The following AGXT2 variants were observed in gnomAD, a reference collection of about 807,000 sequenced individuals.
AGXT2 encodes alanine--glyoxylate aminotransferase 2, mitochondrial.
A neutral mutation model predicts 62.5 loss-of-function variants in AGXT2; 61 were observed. The observed-to-expected ratio is 0.98, with a 90% confidence interval of 0.79 to 1.21. The LOEUF is 1.21. Ranked by LOEUF, AGXT2 falls within the 50% of genes most tolerant of loss-of-function variation. The probability of loss-of-function intolerance (pLI) is 0.00; values close to 1 mark genes in which losing one functional copy is unlikely to be tolerated. For missense variants in AGXT2, 666 were observed against 641.5 expected (o/e 1.04, Z -0.41); for synonymous variants, 243 against 218.7 (o/e 1.11, Z -0.98).
At chr5:35,030,526 A>G (rs1414371882) in intron 7 of AGXT2, among the ~76,000 whole-genome samples, 1 of 152,160 alleles carries the variant, frequency 6.6e-6, no homozygotes, top group Non-Finnish European at 1.5e-5. Flanking sequence ...AAAATACATA[A>G]ATAAAAAAGA....
At chr5:35,028,568 A>T (rs1272775754) in intron 7 of AGXT2, among the ~76,000 whole-genome samples, 1 of 22,044 alleles carries the variant, frequency 4.5e-5, no homozygotes, top group African/African-American at 2.8e-4. Context: ...TGAGAGAGAG[A>T]GAGAGAGAGA....
At chr5:35,035,538 T>C (rs1388433938) in intron 4 of AGXT2, among the ~76,000 whole-genome samples, 2 of 152,150 alleles carry the variant, frequency 1.3e-5, no homozygotes, top group African/African-American at 4.8e-5. Context: ...GGCTAAGAGA[T>C]TGTCTCAGCT....
At chr5:35,020,395 C>A (rs1767023069) in intron 9 of AGXT2, among the ~76,000 whole-genome samples, 1 of 152,144 alleles carries the variant, frequency 6.6e-6, no homozygotes, top group Admixed American at 6.5e-5. Context: ...GGGCTTCATC[C>A]CTGGGATGCA....
rs532702481 is a variant in AGXT2, at chr5:35,007,473, G to A, written c.1338+2527C>T. Among the ~76,000 whole-genome samples, 24 of 152,322 alleles carry A rather than the reference G, an allele frequency of 1.6e-4. 1 individual carries two copies. In the South Asian group the frequency reaches 2.7e-3, roughly 17 times the overall value. ...GCAAAGGCAAGCTTTAAGGAGATGC[G>A]ATGGAGAGCTTGATCTTGAAAAAGA... On this transcript the variant is annotated intron_variant, in intron 12 of 13. Transcript: ENST00000231420.
In AGXT2 at chr5:35,035,316, C is replaced by G; in HGVS notation, c.487G>C (p.Val163Leu). The change falls in exon 5 of 14, where the codon GTC becomes CTC. Residue 163 changes from valine to leucine, a missense_variant and splice_region_variant. Coordinates refer to ENST00000231420, the MANE Select transcript of AGXT2 (RefSeq NM_031900.4). The part of the protein sequence containing the change: ...LAALLPEPLK[V>L]IFLVNSGSEA... ...GAGCCACTGTTCACCAAGAAAATGA[C>G]CTGGAGAGGAAAGGAAGACACGTGG... 6.2e-7 allele frequency: 1 copy of G among 1,613,492 alleles called. No homozygotes were observed. Among genetic ancestry groups the G allele is most frequent in the Non-Finnish European group, 8.5e-7 (1 of 1,179,656 alleles).
rs1380836636 is a variant in AGXT2, at chr5:35,039,342, C to A, written c.344G>T (p.Ser115Ile). 1 of 1,614,088 alleles carries A rather than the reference C, an allele frequency of 6.2e-7. No individual in the cohort carries two copies. The highest frequency in any genetic ancestry group is 8.5e-7 in the Non-Finnish European group (1 of 1,179,936). ...LDFFSGIVTV[S>I]VGHCHPKVNA... ...TACTCACGGGTGGCAATGGCCAACA[C>A]TGACAGTAACAATCCCGGAAAAGAA... The change falls in exon 3 of 14, where the codon AGT becomes ATT. Residue 115 changes from serine to isoleucine, a missense_variant. Transcript: ENST00000231420.
chr5:35,010,013 A>G lies in AGXT2; in HGVS notation c.1325T>C (p.Met442Thr), dbSNP rs1368509384. 1.2e-6 allele frequency: 2 copies of G among 1,614,084 alleles called. No individual in the cohort carries two copies. The highest frequency in any genetic ancestry group is 1.6e-4 in the Middle Eastern group (1 of 6,084). Reference sequence around the variant, plus strand: ...ATTAGCACCTACCTTATCCTGCACCATTTCTATGCCTATCATGAGACCTTT... The same window carrying G: ...ATTAGCACCTACCTTATCCTGCACCGTTTCTATGCCTATCATGAGACCTTT... ...RGKGLMIGIE[M>T]VQDKISCRPL... The change falls in exon 12 of 14, where the codon ATG becomes ACG. Residue 442 changes from methionine to threonine, a missense_variant. Transcript: ENST00000231420.
chr5:35,040,316 A>G (rs150849570), intron 2 of AGXT2, among the ~76,000 whole-genome samples: 3 of 152,302 alleles, frequency 2.0e-5, no homozygotes, highest in East Asian at 3.9e-4. Context: ...TATATTAATT[A>G]TCATGTGTAG....
At chr5:35,037,256 ATG>A in intron 3 of AGXT2, among the ~76,000 whole-genome samples, 191 bp from the exon 4 acceptor site, 2 of 152,326 alleles carry the variant, frequency 1.3e-5, no homozygotes, top group South Asian at 4.1e-4. Flanking sequence ...TTAAAAGGTA[ATG>A]AATTCCTCTC....
chr5:34,999,245 T>A (rs1474895027), intron 13 of AGXT2, among the ~76,000 whole-genome samples: 1 of 152,240 alleles, frequency 6.6e-6, no homozygotes, highest in Admixed American at 6.5e-5. Context: ...GCCAATGCCA[T>A]GAGCCTCCTC....
At chr5:35,031,965 T>C (rs1354148716) in intron 7 of AGXT2, among the ~76,000 whole-genome samples, 14 of 148,578 alleles carry the variant, frequency 9.4e-5, no homozygotes, top group Admixed American at 4.0e-4. Flanking sequence ...TTTTTTTTTT[T>C]TTTTTGAGAT....
intron 13 of AGXT2, 134 bp downstream of exon 13, chr5:35,003,629 A>C: frequency 2.4e-6 from 2 of 824,708 alleles, no homozygotes; most frequent in Non-Finnish European, 4.1e-6. Flanking sequence ...GTGGCTGGGT[A>C]CCTCGGCACA....
Position 35,035,872 on chromosome 5 carries a change from T to C in AGXT2, c.487-556A>G, listed in dbSNP as rs193099867. Among the ~76,000 whole-genome samples the C allele has an allele frequency of 2.3e-3, 353 of 151,028 alleles. 3 individuals carry two copies. Among genetic ancestry groups the C allele is most frequent in the African/African-American group, 8.3e-3 (342 of 41,142 alleles). ...CGGGCGGATCACTTGAGGTCAGGAG[T>C]TTGAGATCAGCCTGGCCATCATGGT... is the stretch of plus-strand genomic sequence containing the variant. On this transcript the variant is annotated intron_variant, in intron 4 of 13. Coordinates refer to ENST00000231420, the MANE Select transcript of AGXT2 (RefSeq NM_031900.4).
At chr5:35,005,908 G>C (rs1220076091) in intron 12 of AGXT2, among the ~76,000 whole-genome samples, 1 of 152,096 alleles carries the variant, frequency 6.6e-6, no homozygotes, top group Non-Finnish European at 1.5e-5. Flanking sequence ...AGTGCATAAA[G>C]TAAAACGAGA....
At position 35,032,740 on chromosome 5, in the gene AGXT2, C is replaced by T. The variant is rs1379606482; in HGVS notation, c.761G>A (p.Cys254Tyr). The change falls in exon 7 of 14, where the codon TGT (cysteine) becomes TAT (tyrosine). Residue 254 changes from cysteine to tyrosine, a missense_variant. Transcript: ENST00000231420. ...SPVQTIRKCS[C>Y]APDCCQAKDQ... ...CCCTTGCCCAGTCGGACCTGGTGCA[C>T]AGCTGCACTTCCTGATTGTTTGCAC... 9 of 1,606,944 alleles carry T rather than the reference C, an allele frequency of 5.6e-6. No individual in the cohort carries two copies. The highest frequency in any genetic ancestry group is 7.7e-6 in the Non-Finnish European group (9 of 1,176,368).
intron 8 of AGXT2, 38 bp downstream of exon 8, chr5:35,026,372 G>A: frequency 6.6e-7 from 1 of 1,518,510 alleles, no homozygotes; most frequent in Non-Finnish European, 9.1e-7. Flanking sequence ...GATAATTGAA[G>A]ATTCAGCTCC....
intron 9 of AGXT2, among the ~76,000 whole-genome samples, chr5:35,019,235 C>G (rs1766970988): frequency 7.1e-6 from 1 of 140,462 alleles, no homozygotes; most frequent in Admixed American, 7.3e-5. Flanking sequence ...TAATAGACAT[C>G]TACAGAACTC....
chr5:35,004,273 G>A (rs1299246777), intron 12 of AGXT2, among the ~76,000 whole-genome samples: 1 of 152,202 alleles, frequency 6.6e-6, no homozygotes, highest in Non-Finnish European at 1.5e-5. Flanking sequence ...CAAAGGCCAG[G>A]AAATGGCTCA....
rs559898698 is a variant in AGXT2 at position 35,041,848 on chromosome 5, T to G, written c.89-1185A>C. 5.4e-4 allele frequency among the ~76,000 whole-genome samples: 83 copies of G among 152,302 alleles called. 1 individual carries two copies. The highest frequency in any genetic ancestry group is 9.3e-4 in the Non-Finnish European group (63 of 68,024). ...TTTCAAAGAGATATATTCAAAGAGATATATATTTCAAAGAGATATATAATC... is the reference window on the plus strand; with the variant it reads ...TTTCAAAGAGATATATTCAAAGAGAGATATATTTCAAAGAGATATATAATC... On this transcript the variant is annotated intron_variant, in intron 1 of 13. Coordinates refer to ENST00000231420, the MANE Select transcript of AGXT2 (RefSeq NM_031900.4).
Sources: gnomAD v4.1 joint callset for allele counts (sites outside exome capture counted in the v4.1 genomes callset) on GRCh38, gnomAD v4.1.1 for gene constraint, MANE v1.5 for transcripts, NCBI Gene and HGNC (gene_info 2026-07-23, HGNC 2026-07-21) for gene names.